Variants in ADAMTS12 observed in about 807,000 individuals in gnomAD.
ADAMTS12 encodes ADAM metallopeptidase with thrombospondin type 1 motif 12, also known as A disintegrin and metalloproteinase with thrombospondin motifs 12.
Under a neutral mutation model 167.8 loss-of-function variants are expected in ADAMTS12, and 118 were observed. The ratio of observed to expected loss-of-function variants is 0.70; its 90% CI spans 0.61 to 0.82. The LOEUF is 0.82. ADAMTS12 is among the 40% of genes least tolerant of loss of function. The pLI, the probability that ADAMTS12 is intolerant of heterozygous loss-of-function variation, is 0.00. For synonymous variants in ADAMTS12, 704 were observed against 716.9 expected (o/e 0.98, Z 0.29); for missense variants, 1,916 against 1,998.8 (o/e 0.96, Z 0.79).
In ADAMTS12 at chr5:33,849,366, AAT is replaced by A. The variant is rs199640412; in HGVS notation, c.489+31751_489+31752del. Among the ~76,000 whole-genome samples, 40 of 115,720 alleles carry A rather than the reference AAT, an allele frequency of 3.5e-4. 2 individuals are homozygous for A. The highest frequency in any genetic ancestry group is 1.9e-3 in the African/African-American group (37 of 19,778). The allele number at this position is 115,720 out of a possible 152,430, so 75.9% of individuals were successfully genotyped here. On this transcript the variant is annotated intron_variant, in intron 2 of 23. Coordinates refer to ENST00000504830, the MANE Select transcript of ADAMTS12 (RefSeq NM_030955.4). ...GCAATATATATATGTATTGAATAGC[AAT>A]ATATATATGTATTGCACAGCAATAT...
chr5:33,745,869 T>C (rs952091498), intron 3 of ADAMTS12, among the ~76,000 whole-genome samples: 3 of 152,192 alleles, frequency 2.0e-5, no homozygotes, highest in African/African-American at 7.2e-5. Context: ...GTTATTATTT[T>C]ATCTCCCTAT....
chr5:33,579,830 G>T (rs385599), intron 18 of ADAMTS12, among the ~76,000 whole-genome samples: 32,403 of 152,180 alleles, frequency 0.21, 3,560 homozygotes, highest in Non-Finnish European at 0.24. Context: ...TATTATCACT[G>T]TTCTAATAAT....
chr5:33,891,738 C>CGGA lies in ADAMTS12; in HGVS notation c.118_119insTCC (p.Asp39_Arg40insIle). 6.2e-7 allele frequency: 1 copy of CGGA among 1,614,226 alleles called. No individual in the cohort carries two copies. Among genetic ancestry groups the CGGA allele is most frequent in the Non-Finnish European group, 8.5e-7 (1 of 1,180,038 alleles). On this transcript the variant is annotated inframe_insertion, in exon 1 of 24. Coordinates refer to ENST00000504830, the MANE Select transcript of ADAMTS12 (RefSeq NM_030955.4). ...AAAGAAGAGTCACTAACCTTGCCTC[C>CGGA]TGTCCGGGAAGCGAACCGGGCCTGG...
chr5:33,793,462 G>T (rs974797982), intron 2 of ADAMTS12, among the ~76,000 whole-genome samples: 1 of 152,178 alleles, frequency 6.6e-6, no homozygotes, highest in African/African-American at 2.4e-5. Flanking sequence ...AAGCAACCAG[G>T]AACAGATGTT....
At chr5:33,812,441 CA>C in intron 2 of ADAMTS12, among the ~76,000 whole-genome samples, 1 of 152,200 alleles carries the variant, frequency 6.6e-6, no homozygotes, top group African/African-American at 2.4e-5. Context: ...AATTTGTACA[CA>C]GAGAACATAC....
chr5:33,642,071 C>G, intron 10 of ADAMTS12, 116 bp from the exon 11 acceptor site: 1 of 1,071,822 alleles, frequency 9.3e-7, no homozygotes, highest in Admixed American at 2.8e-5. Context: ...TTTCTACAGT[C>G]ACATATCAGA....
At chr5:33,856,987 T>C (rs1749424763) in intron 2 of ADAMTS12, among the ~76,000 whole-genome samples, 1 of 152,188 alleles carries the variant, frequency 6.6e-6, no homozygotes. Context: ...AGCCAAGATA[T>C]GGAAACAGCC....
At chr5:33,853,124 C>T (rs1749280809) in intron 2 of ADAMTS12, among the ~76,000 whole-genome samples, 1 of 152,212 alleles carries the variant, frequency 6.6e-6, no homozygotes, top group African/African-American at 2.4e-5. Context: ...TGCCACTGCC[C>T]TGTTACACAT....
chr5:33,828,704 A>T (rs1343388971), intron 2 of ADAMTS12, among the ~76,000 whole-genome samples: 1 of 152,128 alleles, frequency 6.6e-6, no homozygotes, highest in East Asian at 1.9e-4. Context: ...AGTTTTTCTA[A>T]CACCATCTGC....
At chr5:33,682,475 C>A (rs1273973381) in intron 5 of ADAMTS12, among the ~76,000 whole-genome samples, 1 of 151,572 alleles carries the variant, frequency 6.6e-6, no homozygotes, top group Admixed American at 6.6e-5. Context: ...ACATATAAGT[C>A]TCTTACATTT....
At chr5:33,824,075 A>G (rs1396402226) in intron 2 of ADAMTS12, among the ~76,000 whole-genome samples, 1 of 152,220 alleles carries the variant, frequency 6.6e-6, no homozygotes, top group Non-Finnish European at 1.5e-5. Flanking sequence ...AGTCCCAAGC[A>G]TATCATGGTC....
At chr5:33,608,350 T>TC (rs1449106586) in intron 16 of ADAMTS12, among the ~76,000 whole-genome samples, 5 of 152,210 alleles carry the variant, frequency 3.3e-5, no homozygotes, top group Non-Finnish European at 7.3e-5. Context: ...CAGAGTTCGA[T>TC]CATTTTAACA....
intron 11 of ADAMTS12, among the ~76,000 whole-genome samples, chr5:33,640,459 A>C (rs1028602522): frequency 6.6e-6 from 1 of 152,252 alleles, no homozygotes; most frequent in African/African-American, 2.4e-5. Context: ...AATAAGTCCC[A>C]GAGCAAATTG....
chr5:33,697,556 G>A (rs4440364), intron 3 of ADAMTS12, among the ~76,000 whole-genome samples: 123,244 of 152,086 alleles, frequency 0.81, 50,023 homozygotes, highest in South Asian at 0.89. Context: ...ACAGTACCCC[G>A]CTCCTTTTTC....
rs542695060 is a variant in ADAMTS12, at chr5:33,853,077, T to C, written c.489+28042A>G. 3.9e-5 allele frequency among the ~76,000 whole-genome samples: 6 copies of C among 152,284 alleles called. 1 individual carries two copies. The highest frequency in any genetic ancestry group is 1.4e-4 in the African/African-American group (6 of 41,568). On this transcript the variant is annotated intron_variant, in intron 2 of 23. Transcript: ENST00000504830. The stretch of plus-strand genomic sequence containing the variant: ...AGCAGCCCTGTCTGCATGGGTACTG[T>C]CCTCCCGGAACCGAGCAGGGAGCCT...
At chr5:33,733,306 T>C (rs1159901016) in intron 3 of ADAMTS12, among the ~76,000 whole-genome samples, 2 of 152,148 alleles carry the variant, frequency 1.3e-5, no homozygotes, top group African/African-American at 4.8e-5. Flanking sequence ...AGAAAACCAG[T>C]TGTAGGAAAA....
chr5:33,588,375 C>G (rs1454225162), intron 18 of ADAMTS12, among the ~76,000 whole-genome samples: 1 of 152,216 alleles, frequency 6.6e-6, no homozygotes, highest in African/African-American at 2.4e-5. Context: ...GTCTACCTCA[C>G]CCCTGTCAGA....
intron 3 of ADAMTS12, among the ~76,000 whole-genome samples, chr5:33,747,310 T>G (rs997090553): frequency 6.6e-6 from 1 of 152,072 alleles, no homozygotes; most frequent in African/African-American, 2.4e-5. Flanking sequence ...GGCCCATAGA[T>G]TAGGGCCCTA....
rs760187148 is a variant in ADAMTS12 at position 33,649,571 on chromosome 5, G to A, written c.1317C>T (p.Tyr439=). 2.5e-6 allele frequency: 4 copies of A among 1,613,846 alleles called. No individual in the cohort carries two copies. Among genetic ancestry groups the A allele is most frequent in the Non-Finnish European group, 2.5e-6 (3 of 1,179,810 alleles). Residue 439 remains tyrosine (Y), a synonymous_variant, in exon 8 of 24, where the codon TAC becomes TAT. Coordinates refer to ENST00000504830, the MANE Select transcript of ADAMTS12 (RefSeq NM_030955.4). ...PLTWSKCSEE[Y]ITRFLDRGWG... Reference sequence around the variant, plus strand: ...TCACTTACTCCAAGAAGCGGGTGATGTACTCCTCGCTGCACTTGGACCATG... The same window carrying A: ...TCACTTACTCCAAGAAGCGGGTGATATACTCCTCGCTGCACTTGGACCATG...
Sources: gnomAD v4.1 joint callset for allele counts (sites outside exome capture counted in the v4.1 genomes callset) on GRCh38, gnomAD v4.1.1 for gene constraint, MANE v1.5 for transcripts, NCBI Gene and HGNC (gene_info 2026-07-23, HGNC 2026-07-21) for gene names.